Variants in CNTNAP2 observed in about 807,000 individuals in gnomAD.
The protein encoded by CNTNAP2 is contactin associated protein 2, also known as contactin-associated protein-like 2.
In CNTNAP2, 98 loss-of-function variants were observed where a neutral mutation model predicts 155.2. That is an observed-to-expected ratio of 0.63 (90% CI 0.54 to 0.75). The LOEUF (loss-of-function observed/expected upper bound fraction) is 0.75, where lower values mean the gene tolerates loss of function less well. Ranked by LOEUF, CNTNAP2 falls within the 30% of genes least tolerant of loss-of-function variation. The probability of loss-of-function intolerance (pLI) is 0.00; values close to 1 mark genes in which losing one functional copy is unlikely to be tolerated. For missense variants in CNTNAP2, 1,727 were observed against 1,688.1 expected (o/e 1.02, Z -0.40); for synonymous variants, 651 against 631.2 (o/e 1.03, Z -0.47).
intron 1 of CNTNAP2, among the ~76,000 whole-genome samples, chr7:146,435,570 GT>G (rs1796231800): frequency 6.6e-6 from 1 of 152,116 alleles, no homozygotes; most frequent in Non-Finnish European, 1.5e-5. Context: ...TAAAATCTCA[GT>G]TCCTTGTACA....
intron 1 of CNTNAP2, among the ~76,000 whole-genome samples, chr7:146,715,860 G>T (rs1410028180): frequency 6.6e-6 from 1 of 152,116 alleles, no homozygotes; most frequent in Admixed American, 6.5e-5. Context: ...TCTATGTCAT[G>T]TTCATCTCCT....
intron 3 of CNTNAP2, among the ~76,000 whole-genome samples, chr7:146,924,029 G>A (rs1796556669): frequency 6.6e-6 from 1 of 152,040 alleles, no homozygotes; most frequent in South Asian, 2.1e-4. Flanking sequence ...CTCTCTTAAA[G>A]TATATGTTTT....
rs1447570687 is a variant in CNTNAP2, at chr7:147,430,202, A to G, written c.1670+34422A>G. On this transcript the variant is annotated intron_variant, in intron 10 of 23. Coordinates refer to ENST00000361727, the MANE Select transcript of CNTNAP2 (RefSeq NM_014141.6). The stretch of plus-strand genomic sequence containing the variant: ...CTCAACTCACCATGAGCCAAATACA[A>G]TTATTTTCTAAGTAAACATTTTGAC... Among the ~76,000 whole-genome samples, 13 of 152,296 alleles carry G rather than the reference A, an allele frequency of 8.5e-5. No individual in the cohort carries two copies. The East Asian group carries it at 2.3e-3, about 27-fold the overall frequency.
At position 147,488,408 on chromosome 7, in the gene CNTNAP2, G is replaced by A. The variant is rs185239964; in HGVS notation, c.1777+2367G>A. 1.6e-3 allele frequency among the ~76,000 whole-genome samples: 249 copies of A among 152,290 alleles called. 1 individual carries two copies. The highest frequency in any genetic ancestry group is 2.4e-3 in the Admixed American group (37 of 15,304). On this transcript the variant is annotated intron_variant, in intron 11 of 23. Transcript: ENST00000361727. ...CTCTTGGTATTCTACAAGCCAGTGA[G>A]CTGAGATTTGCAGTTGCTTATTCTG...
At chr7:147,201,281 G>A (rs1460585664) in intron 8 of CNTNAP2, among the ~76,000 whole-genome samples, 1 of 151,990 alleles carries the variant, frequency 6.6e-6, no homozygotes, top group African/African-American at 2.4e-5. Flanking sequence ...AATTCCTTCA[G>A]GGATCTTCGA....
At chr7:147,965,324 T>C (rs1801189699) in intron 14 of CNTNAP2, among the ~76,000 whole-genome samples, 1 of 152,174 alleles carries the variant, frequency 6.6e-6, no homozygotes, top group Non-Finnish European at 1.5e-5. Context: ...AATTAATTGA[T>C]TCAGTTCCTA....
At chr7:148,166,451 A>G (rs907527956) in intron 17 of CNTNAP2, among the ~76,000 whole-genome samples, 7 of 151,444 alleles carry the variant, frequency 4.6e-5, no homozygotes, top group Non-Finnish European at 7.4e-5. Flanking sequence ...CAGGAACCCA[A>G]CTTAGCTCTT....
At chr7:147,114,096 T>G (rs1175085826) in intron 5 of CNTNAP2, among the ~76,000 whole-genome samples, 1 of 152,220 alleles carries the variant, frequency 6.6e-6, no homozygotes, top group Non-Finnish European at 1.5e-5. Flanking sequence ...AGGAGCAGGT[T>G]GTTCACTTTC....
chr7:146,291,406 C>T (rs985296036), intron 1 of CNTNAP2, among the ~76,000 whole-genome samples: 6 of 152,156 alleles, frequency 3.9e-5, no homozygotes, highest in African/African-American at 7.2e-5. Flanking sequence ...ATGAAGTTCA[C>T]GTCTCAGTGC....
In CNTNAP2 at chr7:148,337,815, A is replaced by G. The variant is rs187648108; in HGVS notation, c.3476-45834A>G. Reference sequence around the variant, plus strand: ...AGCCTTATGTCTGTGGTGTCTCCACAGTGAGTAAGCTCTTAATCACATTCC... The same window carrying G: ...AGCCTTATGTCTGTGGTGTCTCCACGGTGAGTAAGCTCTTAATCACATTCC... On this transcript the variant is annotated intron_variant, in intron 21 of 23. Transcript: ENST00000361727. 5.2e-3 allele frequency among the ~76,000 whole-genome samples: 791 copies of G among 152,350 alleles called. 7 individuals are homozygous for G. Among genetic ancestry groups the G allele is most frequent in the African/African-American group, 0.017 (725 of 41,586 alleles).
At chr7:147,503,210 A>G (rs35094502) in intron 11 of CNTNAP2, among the ~76,000 whole-genome samples, 48,502 of 151,782 alleles carry the variant, frequency 0.32, 7,970 homozygotes, top group East Asian at 0.43. Context: ...TTTTTGGCAT[A>G]CCTTGACTTG....
chr7:147,980,933 C>CAAAAAAAAAAAAAAAA (rs34927518), intron 15 of CNTNAP2, among the ~76,000 whole-genome samples: 4 of 94,004 alleles, frequency 4.3e-5, no homozygotes, highest in Non-Finnish European at 5.8e-5. Context: ...TCCATCTTAA[C>CAAAAAAAAAAAAAAAA]AAAAAAAAAA....
intron 1 of CNTNAP2, among the ~76,000 whole-genome samples, chr7:146,720,912 A>G (rs1244071412): frequency 1.4e-5 from 2 of 141,804 alleles, no homozygotes; most frequent in Non-Finnish European, 1.5e-5. Context: ...CTATATATAT[A>G]CTCTCTATAT....
chr7:147,045,382 G>T (rs534462595), intron 4 of CNTNAP2, among the ~76,000 whole-genome samples: 3 of 152,082 alleles, frequency 2.0e-5, no homozygotes, highest in East Asian at 3.9e-4. Flanking sequence ...AACAGAAATT[G>T]GTCAAAATAT....
chr7:147,603,451 T>C (rs968177989), intron 12 of CNTNAP2, among the ~76,000 whole-genome samples: 1 of 152,124 alleles, frequency 6.6e-6, no homozygotes, highest in Admixed American at 6.5e-5. Context: ...AGCCAAATCA[T>C]GAGTGAACTC....
intron 17 of CNTNAP2, among the ~76,000 whole-genome samples, chr7:148,152,283 G>T (rs1443680536): frequency 6.6e-6 from 1 of 151,900 alleles, no homozygotes; most frequent in Non-Finnish European, 1.5e-5. Flanking sequence ...AGGACAATTT[G>T]GTGGGCAGGG....
chr7:148,021,651 G>A (rs1802280944), intron 15 of CNTNAP2, among the ~76,000 whole-genome samples: 1 of 152,240 alleles, frequency 6.6e-6, no homozygotes, highest in South Asian at 2.1e-4. Flanking sequence ...AGTCCCCGGT[G>A]AGCTGGAAAG....
At chr7:146,958,891 CTT>C (rs974966330) in intron 3 of CNTNAP2, among the ~76,000 whole-genome samples, 4 of 152,044 alleles carry the variant, frequency 2.6e-5, no homozygotes, top group African/African-American at 4.8e-5. Flanking sequence ...TAGAAATCCT[CTT>C]CTTATCATTT....
chr7:148,105,167 G>A (rs1804180465), intron 15 of CNTNAP2, among the ~76,000 whole-genome samples: 1 of 152,158 alleles, frequency 6.6e-6, no homozygotes, highest in Admixed American at 6.5e-5. Flanking sequence ...TATCCTAGGA[G>A]GACAGGGAAA....
Sources: gnomAD v4.1 joint callset for allele counts (sites outside exome capture counted in the v4.1 genomes callset) on GRCh38, gnomAD v4.1.1 for gene constraint, MANE v1.5 for transcripts, NCBI Gene and HGNC (gene_info 2026-07-23, HGNC 2026-07-21) for gene names.